The following SOX6 variants were observed in gnomAD, a reference collection of about 807,000 sequenced individuals.
The protein encoded by SOX6 is SRY-box transcription factor 6, also known as transcription factor SOX-6.
A neutral mutation model predicts 97.8 loss-of-function variants in SOX6; 11 were observed. The ratio of observed to expected loss-of-function variants is 0.11; its 90% CI spans 0.07 to 0.19. The LOEUF is 0.19. Ranked by LOEUF, SOX6 falls within the 10% of genes least tolerant of loss-of-function variation. The pLI, the probability that SOX6 is intolerant of heterozygous loss-of-function variation, is 1.00. For missense variants in SOX6, 810 were observed against 1,039.5 expected, an observed-to-expected ratio of 0.78 and a Z score of 3.04; for synonymous variants, 360 against 371.4, an observed-to-expected ratio of 0.97 and a Z score of 0.35.
intron 15 of SOX6, among the ~76,000 whole-genome samples, chr11:15,982,927 T>C (rs1853711392): frequency 6.6e-6 from 1 of 152,034 alleles, no homozygotes; most frequent in African/African-American, 2.4e-5. Context: ...AAGACGTCAT[T>C]GTAGCTACAT....
intron 3 of SOX6, among the ~76,000 whole-genome samples, chr11:16,309,043 C>T (rs1265228900): frequency 1.3e-5 from 2 of 152,186 alleles, no homozygotes; most frequent in Non-Finnish European, 2.9e-5. Context: ...CTAACACAGG[C>T]GCATGCATGC....
At chr11:16,619,845 C>G (rs574894663) in intron 3 of SOX6, among the ~76,000 whole-genome samples, 1 of 152,006 alleles carries the variant, frequency 6.6e-6, no homozygotes, top group African/African-American at 2.4e-5. Flanking sequence ...CACCCATGGG[C>G]ATTTATTTAT....
intron 3 of SOX6, among the ~76,000 whole-genome samples, chr11:16,625,389 TC>T (rs1459720042): frequency 6.6e-6 from 1 of 152,208 alleles, no homozygotes; most frequent in African/African-American, 2.4e-5. Context: ...TGCCCCCAGT[TC>T]CTGATACAGG....
intron 4 of SOX6, among the ~76,000 whole-genome samples, chr11:16,586,036 A>C (rs1848090468): frequency 6.6e-6 from 1 of 152,194 alleles, no homozygotes; most frequent in Admixed American, 6.5e-5. Flanking sequence ...CAGTCTTTTC[A>C]ATAGTACATT....
chr11:16,599,030 T>G (rs1848241181), intron 4 of SOX6, among the ~76,000 whole-genome samples: 1 of 152,128 alleles, frequency 6.6e-6, no homozygotes, highest in Non-Finnish European at 1.5e-5. Context: ...CACTTTGAAT[T>G]TATCTTATAT....
chr11:16,652,858 T>C (rs1405165491), intron 3 of SOX6, among the ~76,000 whole-genome samples: 7 of 152,098 alleles, frequency 4.6e-5, no homozygotes, highest in African/African-American at 1.4e-4. Context: ...ATTCACAAAC[T>C]ATGCATCCAA....
At chr11:16,232,454 A>G (rs1236058174) in intron 4 of SOX6, among the ~76,000 whole-genome samples, 1 of 152,036 alleles carries the variant, frequency 6.6e-6, no homozygotes, top group Non-Finnish European at 1.5e-5. Context: ...ATCACAAAGA[A>G]TCCAGAAAAA....
chr11:16,500,747 C>T (rs1860692195), intron 4 of SOX6, among the ~76,000 whole-genome samples: 1 of 152,090 alleles, frequency 6.6e-6, no homozygotes, highest in Admixed American at 6.6e-5. Flanking sequence ...GAATCCAACT[C>T]ACGAGGGATG....
At chr11:16,631,863 G>T (rs899477866) in intron 3 of SOX6, among the ~76,000 whole-genome samples, 1 of 151,918 alleles carries the variant, frequency 6.6e-6, no homozygotes, top group African/African-American at 2.4e-5. Context: ...CTTCTTCTTG[G>T]TCCAGTTTAT....
intron 4 of SOX6, among the ~76,000 whole-genome samples, chr11:16,596,899 G>A (rs1848218189): frequency 6.6e-6 from 1 of 152,090 alleles, no homozygotes; most frequent in South Asian, 2.1e-4. Context: ...TTACATTGGT[G>A]TACGGGAAAT....
chr11:16,076,979 T>A (rs1401339948), intron 9 of SOX6, among the ~76,000 whole-genome samples: 1 of 151,392 alleles, frequency 6.6e-6, no homozygotes, highest in Non-Finnish European at 1.5e-5. Context: ...GGTCTCGATC[T>A]CCTGACCTCA....
intron 6 of SOX6, among the ~76,000 whole-genome samples, chr11:16,127,718 G>C (rs577917711): frequency 2.6e-5 from 4 of 152,162 alleles, no homozygotes; most frequent in African/African-American, 9.6e-5. Context: ...ATGCCACTTG[G>C]AACTCTGAGT....
intron 3 of SOX6, among the ~76,000 whole-genome samples, chr11:16,670,133 G>A (rs1361712157): frequency 2.0e-5 from 3 of 152,112 alleles, no homozygotes; most frequent in Non-Finnish European, 4.4e-5. Context: ...CCTACTTGTA[G>A]TGCCTGGAGT....
chr11:16,193,255 C>T (rs1480809884), intron 4 of SOX6, among the ~76,000 whole-genome samples: 4 of 152,034 alleles, frequency 2.6e-5, no homozygotes, highest in Non-Finnish European at 5.9e-5. Context: ...AATTGCAATC[C>T]TAGCAATTTG....
At chr11:16,336,405 A>T in intron 2 of SOX6, among the ~76,000 whole-genome samples, 1 of 152,186 alleles carries the variant, frequency 6.6e-6, no homozygotes, top group Middle Eastern at 3.4e-3. Flanking sequence ...CCACATGTAC[A>T]TTACTTAAAA....
Position 16,111,733 on chromosome 11 carries a change from T to C in SOX6, c.898+70A>G, listed in dbSNP as rs1333333073. ...GTTCCCTGGCATGCTCCTGTGTTTG[T>C]TGTGAGTACTAAGCATAAACATGCA... On this transcript the variant is annotated intron_variant, in intron 7 of 15. Transcript: ENST00000683767. The C allele has an allele frequency of 6.3e-6, 10 of 1,575,600 alleles. No individual in the cohort carries two copies. The East Asian group carries it at 2.0e-4, about 32-fold the overall frequency.
intron 1 of SOX6, among the ~76,000 whole-genome samples, chr11:16,374,853 C>T (rs1857601594): frequency 6.6e-6 from 1 of 152,032 alleles, no homozygotes; most frequent in Non-Finnish European, 1.5e-5. Context: ...TTATTCCTTT[C>T]ATATTCACAT....
chr11:16,730,232 T>C (rs902227535), intron 2 of SOX6, among the ~76,000 whole-genome samples: 12 of 152,106 alleles, frequency 7.9e-5, no homozygotes, highest in African/African-American at 2.9e-4. Context: ...AACTCAGCTC[T>C]GGATCAAGCC....
In SOX6 at chr11:16,626,741, G is replaced by A. The variant is rs183517395; in HGVS notation, n.430-14481C>T. On this transcript the variant is annotated intron_variant and non_coding_transcript_variant, in intron 3 of 5. Transcript: ENST00000524520. ...AGCAATGTTCTGTATATTCAATGCA[G>A]AGGTCTTAATCATATTTCATTAAAT... is the stretch of plus-strand genomic sequence containing the variant. Among the ~76,000 whole-genome samples the A allele has an allele frequency of 5.7e-4, 87 of 152,264 alleles. No homozygotes were observed. The Middle Eastern group carries it at 0.01, about 18-fold the overall frequency.
Sources: gnomAD v4.1 joint callset for allele counts (sites outside exome capture counted in the v4.1 genomes callset) on GRCh38, gnomAD v4.1.1 for gene constraint, MANE v1.5 for transcripts, NCBI Gene and HGNC (gene_info 2026-07-23, HGNC 2026-07-21) for gene names.